The following SDC1 variants were observed in gnomAD, a reference collection of about 807,000 sequenced individuals.
SDC1 encodes syndecan 1, also known as syndecan-1.
A neutral mutation model predicts 29.7 loss-of-function variants in SDC1; 14 were observed. That is an observed-to-expected ratio of 0.47 (90% confidence interval 0.31 to 0.74). The LOEUF (loss-of-function observed/expected upper bound fraction) is 0.74. Among genes scored for constraint, SDC1 ranks in the 30% least tolerant of loss-of-function variants. SDC1 has a pLI of 0.05. For synonymous variants in SDC1, 204 were observed against 175.5 expected (o/e 1.16, Z -1.29); for missense variants, 406 against 400.3 (o/e 1.01, Z -0.12).
chr2:20,212,357 G>A (rs1183720047), intron 1 of SDC1, among the ~76,000 whole-genome samples: 1 of 152,254 alleles, frequency 6.6e-6, no homozygotes, highest in African/African-American at 2.4e-5. Flanking sequence ...GGGACTCGTG[G>A]GAGTAGGCAG....
intron 1 of SDC1, among the ~76,000 whole-genome samples, chr2:20,209,947 C>G (rs551754948): frequency 1.3e-5 from 2 of 152,364 alleles, no homozygotes; most frequent in South Asian, 4.1e-4. Context: ...CAGCCTGAGG[C>G]CACCAGGTCA....
chr2:20,208,045 C>T (rs999592696), intron 1 of SDC1: 8 of 985,404 alleles, frequency 8.1e-6, no homozygotes, highest in Non-Finnish European at 9.6e-6. Flanking sequence ...GCACTTCGAC[C>T]CCACGAGCCT....
At position 20,217,852 on chromosome 2, in the gene SDC1, T is replaced by C. The variant is rs114161326; in HGVS notation, c.66+6950A>G. Among the ~76,000 whole-genome samples, 670 of 152,272 alleles carry C rather than the reference T, an allele frequency of 4.4e-3. 5 individuals carry two copies. The highest frequency in any genetic ancestry group is 0.014 in the African/African-American group (601 of 41,554). ...GGACCTCGGGCAGGTGCCAGGACTC[T>C]TGGGTGTGTGTGCGGAGAACATCAT... is the stretch of plus-strand genomic sequence containing the variant. On this transcript the variant is annotated intron_variant, in intron 1 of 4. Transcript: ENST00000254351.
intron 1 of SDC1, among the ~76,000 whole-genome samples, chr2:20,206,207 C>T (rs1677265707): frequency 6.6e-6 from 1 of 152,244 alleles, no homozygotes; most frequent in South Asian, 2.1e-4. Context: ...CCTGCACTGA[C>T]AAGCCTCCAA....
At chr2:20,203,284 C>T (rs1236519377) in intron 3 of SDC1, 62 bp from the exon 4 acceptor site, 1 of 1,540,460 alleles carries the variant, frequency 6.5e-7, no homozygotes, top group South Asian at 1.2e-5. Context: ...CAACCAGCTC[C>T]ACTACAAGAC....
chr2:20,217,833 C>T (rs558750300), intron 1 of SDC1, among the ~76,000 whole-genome samples: 39 of 152,252 alleles, frequency 2.6e-4, no homozygotes, highest in Middle Eastern at 3.4e-3. Flanking sequence ...GAGCGGACCT[C>T]GGGCAGGTGC....
intron 2 of SDC1, among the ~76,000 whole-genome samples, chr2:20,205,107 G>A (rs991918129): frequency 2.0e-5 from 3 of 152,206 alleles, no homozygotes; most frequent in African/African-American, 7.2e-5. Context: ...GCGGCCCTGG[G>A]GCCTTCTGGA....
Position 20,203,178 on chromosome 2 carries a change from G to A in SDC1, c.672C>T (p.Ala224=), listed in dbSNP as rs758522580. The A allele has an allele frequency of 2.9e-5, 47 of 1,612,478 alleles. No individual in the cohort carries two copies. The highest frequency in any genetic ancestry group is 2.5e-4 in the East Asian group (11 of 44,856). The change falls in exon 4 of 5, where the codon GCC becomes GCT. Residue 224 remains alanine, a synonymous_variant. Transcript: ENST00000254351. ...ETSGENTAVV[A]VEPDRRNQSP... is the part of the protein sequence containing the mutation. Reference sequence around the variant, plus strand: ...ACTGGTTCCGGCGGTCAGGCTCCACGGCCACTACAGCCGTATTCTCCCCCG... The same window carrying A: ...ACTGGTTCCGGCGGTCAGGCTCCACAGCCACTACAGCCGTATTCTCCCCCG...
Position 20,224,907 on chromosome 2 carries a change from G to A in SDC1, c.-40C>T. ...CGGCGGGAGAGCGGCAGGCTGCGCG[G>A]GTCGCGGCTGCGGGCCGGCTTCGCG... On this transcript the variant is annotated 5_prime_UTR_variant, in exon 1 of 5. Transcript: ENST00000254351. The surrounding 1 kb of genome is among the most constrained non-coding windows in gnomAD (Gnocchi z 4.9). 1 of 1,207,626 alleles carries A rather than the reference G, an allele frequency of 8.3e-7. No individual in the cohort carries two copies. The highest frequency in any genetic ancestry group is 3.4e-5 in the East Asian group (1 of 29,028). 74.8% of individuals were successfully genotyped at this position (1,207,626 alleles called of 1,614,324 possible).
At chr2:20,207,774 C>T (rs753021282) in intron 1 of SDC1, among the ~76,000 whole-genome samples, 12 of 152,188 alleles carry the variant, frequency 7.9e-5, no homozygotes, top group Non-Finnish European at 1.3e-4. Flanking sequence ...AGGCCACATC[C>T]GATCTACAAC....
In SDC1 at chr2:20,204,058, T is replaced by C. The variant is rs372539817; in HGVS notation, c.382A>G (p.Thr128Ala). Residue 128 changes from threonine (T) to alanine (A), a missense_variant, in exon 3 of 5, where the codon ACC (threonine) becomes GCC (alanine). Transcript: ENST00000254351. ...EQEATPRPRE[T>A]TQLPTTHLAS... ...AGATGAGTGGTCGGGAGCTGTGTGG[T>C]CTCCCTGGGTCGGGGGGTGGCCTCC... The C allele has an allele frequency of 1.2e-6, 2 of 1,611,214 alleles. No homozygotes were observed. The highest frequency in any genetic ancestry group is 2.7e-5 in the African/African-American group (2 of 74,702).
chr2:20,224,732 C>G lies in SDC1; in HGVS notation c.66+70G>C. 1 of 1,248,184 alleles carries G rather than the reference C, an allele frequency of 8.0e-7. No individual in the cohort carries two copies. Among genetic ancestry groups the G allele is most frequent in the Non-Finnish European group, 1.0e-6 (1 of 992,848 alleles). 77.3% of individuals were successfully genotyped at this position (1,248,184 alleles called of 1,614,324 possible). On this transcript the variant is annotated intron_variant, in intron 1 of 4. Transcript: ENST00000254351. The surrounding 1 kb of genome is among the most constrained non-coding windows in gnomAD (Gnocchi z 4.9). ...GCTCCCCCTCCCCCTCCACGTGCACCCGCCGGCATCCGCGGGTGACCAGTC... is the reference window on the plus strand; with the variant it reads ...GCTCCCCCTCCCCCTCCACGTGCACGCGCCGGCATCCGCGGGTGACCAGTC...
chr2:20,211,762 G>C (rs553325163), intron 1 of SDC1, among the ~76,000 whole-genome samples: 1 of 152,232 alleles, frequency 6.6e-6, no homozygotes, highest in Non-Finnish European at 1.5e-5. Context: ...CCAGTGGGAG[G>C]GCACGGGAGA....
intron 1 of SDC1, among the ~76,000 whole-genome samples, chr2:20,213,035 A>G (rs1677519345): frequency 6.6e-6 from 1 of 152,150 alleles, no homozygotes; most frequent in Non-Finnish European, 1.5e-5. Flanking sequence ...TTTGCCCTGC[A>G]CCGCACTGCC....
intron 1 of SDC1, among the ~76,000 whole-genome samples, chr2:20,212,521 T>G (rs1373034413): frequency 3.9e-5 from 6 of 152,208 alleles, no homozygotes; most frequent in Admixed American, 3.3e-4. Flanking sequence ...AGGCTGCAGA[T>G]GGGGTCTGGG....
At chr2:20,211,635 A>G (rs1023085777) in intron 1 of SDC1, among the ~76,000 whole-genome samples, 3 of 152,222 alleles carry the variant, frequency 2.0e-5, no homozygotes, top group Non-Finnish European at 2.9e-5. Context: ...GGCTGGACCC[A>G]GCAGGGCTGA....
At position 20,225,008 on chromosome 2, in the gene SDC1, G is replaced by A. The variant is rs1677946733; in HGVS notation, c.-141C>T. 1 of 1,061,080 alleles carries A rather than the reference G, an allele frequency of 9.4e-7. No individual in the cohort carries two copies. The highest frequency in any genetic ancestry group is 1.2e-6 in the Non-Finnish European group (1 of 850,660). The allele number at this position is 1,061,080 out of a possible 1,614,324, so 65.7% of individuals were successfully genotyped here. A position where few individuals can be genotyped will look rare whatever the true frequency, so the allele number is the denominator to read the frequency against. ...CCAGGCGAGGGCTGCAGGGTCCGCC[G>A]GCTGGAGTCCGCTCTCTACTGCCGG... On this transcript the variant is annotated 5_prime_UTR_variant, in exon 1 of 5. Transcript: ENST00000254351.
chr2:20,208,102 T>C (rs1300150624), intron 1 of SDC1: 21 of 985,278 alleles, frequency 2.1e-5, no homozygotes, highest in Middle Eastern at 5.2e-4. Context: ...GCTAGAACCA[T>C]TGGATCCATG....
chr2:20,205,266 A>C, intron 2 of SDC1, 77 bp downstream of exon 2: 2 of 1,118,368 alleles, frequency 1.8e-6, no homozygotes, highest in Non-Finnish European at 2.7e-6. Flanking sequence ...CAGTAAACAC[A>C]GGAGACTGCC....
Sources: gnomAD v4.1 joint callset for allele counts (sites outside exome capture counted in the v4.1 genomes callset) on GRCh38, gnomAD v4.1.1 for gene constraint, Gnocchi (gnomAD v3.1) non-coding constraint, MANE v1.5 for transcripts, NCBI Gene and HGNC (gene_info 2026-07-23, HGNC 2026-07-21) for gene names.